The following PTPRD variants were observed in gnomAD, a reference collection of about 807,000 sequenced individuals.
PTPRD encodes receptor-type tyrosine-protein phosphatase delta.
Under a neutral mutation model 214.5 loss-of-function variants are expected in PTPRD, and 34 were observed. The observed-to-expected ratio is 0.16, with a 90% confidence interval of 0.12 to 0.21. The LOEUF (loss-of-function observed/expected upper bound fraction) is 0.21, where lower values mean the gene tolerates loss of function less well. Among genes scored for constraint, PTPRD ranks in the 10% least tolerant of loss-of-function variants. PTPRD has a pLI of 1.00. For missense variants in PTPRD, 2,545 were observed against 2,398.7 expected, an observed-to-expected ratio of 1.06 and a Z score of -1.27; for synonymous variants, 1,128 against 845.7, an observed-to-expected ratio of 1.33 and a Z score of -5.79.
At chr9:9,386,027 C>G (rs1240538593) in intron 9 of PTPRD, among the ~76,000 whole-genome samples, 1 of 152,042 alleles carries the variant, frequency 6.6e-6, no homozygotes, top group African/African-American at 2.4e-5. Flanking sequence ...TGGCCTGCAT[C>G]TTATATGAAA....
intron 5 of PTPRD, among the ~76,000 whole-genome samples, chr9:9,885,201 A>G (rs1296119485): frequency 6.6e-6 from 1 of 152,118 alleles, no homozygotes; most frequent in Non-Finnish European, 1.5e-5. Flanking sequence ...AAAAGAAATT[A>G]AAGAAGTATT....
chr9:8,887,730 C>A (rs2098503512), intron 11 of PTPRD, among the ~76,000 whole-genome samples: 1 of 152,134 alleles, frequency 6.6e-6, no homozygotes, highest in Admixed American at 6.5e-5. Context: ...TTGCAGAACA[C>A]AAAACTACCT....
chr9:9,607,496 G>A (rs952746669), intron 7 of PTPRD, among the ~76,000 whole-genome samples: 1 of 152,108 alleles, frequency 6.6e-6, no homozygotes, highest in African/African-American at 2.4e-5. Flanking sequence ...GGTGAGGTGG[G>A]ATTTGATTAT....
At chr9:9,447,386 C>T (rs1024204745) in intron 8 of PTPRD, among the ~76,000 whole-genome samples, 5 of 152,034 alleles carry the variant, frequency 3.3e-5, no homozygotes, top group African/African-American at 1.2e-4. Flanking sequence ...AGCTGGAGGC[C>T]ATTATCCTTA....
At chr9:9,226,688 A>G (rs556141752) in intron 9 of PTPRD, among the ~76,000 whole-genome samples, 11 of 152,170 alleles carry the variant, frequency 7.2e-5, no homozygotes, top group African/African-American at 2.6e-4. Flanking sequence ...ATCTTAGGAG[A>G]TAAGTACTTT....
intron 11 of PTPRD, among the ~76,000 whole-genome samples, chr9:8,761,673 T>C (rs1377939086): frequency 6.6e-6 from 1 of 152,186 alleles, no homozygotes; most frequent in Non-Finnish European, 1.5e-5. Flanking sequence ...TCTACATGGA[T>C]AATTTTATAG....
At chr9:8,728,327 A>C (rs554680591) in intron 12 of PTPRD, among the ~76,000 whole-genome samples, 21 of 152,342 alleles carry the variant, frequency 1.4e-4, no homozygotes, top group Admixed American at 1.2e-3. Flanking sequence ...TAACACTCAT[A>C]ATCTAAAACA....
intron 10 of PTPRD, among the ~76,000 whole-genome samples, chr9:9,095,899 CA>C (rs2099782810): frequency 6.6e-6 from 1 of 152,120 alleles, no homozygotes; most frequent in Non-Finnish European, 1.5e-5. Context: ...TACATATATA[CA>C]ATGGAATATT....
At chr9:9,333,314 T>G (rs2043034987) in intron 9 of PTPRD, among the ~76,000 whole-genome samples, 1 of 151,296 alleles carries the variant, frequency 6.6e-6, no homozygotes, top group Non-Finnish European at 1.5e-5. Flanking sequence ...GGGGCATATG[T>G]CTGTAAAGTC....
intron 5 of PTPRD, among the ~76,000 whole-genome samples, chr9:9,810,865 C>T (rs2046923805): frequency 6.6e-6 from 1 of 151,410 alleles, no homozygotes; most frequent in Non-Finnish European, 1.5e-5. Context: ...AATCAAACAC[C>T]ATCTGGAAAG....
chr9:10,135,470 C>T (rs2098935836), intron 3 of PTPRD, among the ~76,000 whole-genome samples: 1 of 152,014 alleles, frequency 6.6e-6, no homozygotes, highest in Non-Finnish European at 1.5e-5. Flanking sequence ...ATATTAAAGA[C>T]AGCTAAAAAG....
chr9:8,623,761 GTGCACATT>G (rs2095900089), intron 14 of PTPRD, among the ~76,000 whole-genome samples: 1 of 151,810 alleles, frequency 6.6e-6, no homozygotes, highest in East Asian at 1.9e-4. Flanking sequence ...GTTAGGAAAT[GTGCACATT>G]TGCCGCAAAA....
chr9:10,393,318 T>C (rs2098107632), intron 2 of PTPRD, among the ~76,000 whole-genome samples: 1 of 151,764 alleles, frequency 6.6e-6, no homozygotes, highest in Non-Finnish European at 1.5e-5. Flanking sequence ...TGTGTGTGTG[T>C]ATGTGGTCAG....
chr9:10,501,742 TG>T (rs2043788415), intron 2 of PTPRD, among the ~76,000 whole-genome samples: 1 of 151,946 alleles, frequency 6.6e-6, no homozygotes, highest in Non-Finnish European at 1.5e-5. Flanking sequence ...ATTAATAGAG[TG>T]GGACTTTAAG....
chr9:8,457,183 G>C (rs904440649), intron 33 of PTPRD, among the ~76,000 whole-genome samples: 1 of 152,084 alleles, frequency 6.6e-6, no homozygotes, highest in African/African-American at 2.4e-5. Context: ...AAGAAATGTA[G>C]GCTCAGAGTG....
intron 3 of PTPRD, among the ~76,000 whole-genome samples, chr9:10,324,970 T>G (rs183257939): frequency 2.8e-4 from 42 of 152,148 alleles, no homozygotes; most frequent in African/African-American, 9.9e-4. Flanking sequence ...ATACTTTATT[T>G]AAATGAGGGC....
chr9:9,281,309 G>A (rs1015779071), intron 9 of PTPRD, among the ~76,000 whole-genome samples: 2 of 150,996 alleles, frequency 1.3e-5, no homozygotes, highest in South Asian at 2.1e-4. Context: ...AGAATGAGAA[G>A]ACAAGCCACA....
intron 3 of PTPRD, among the ~76,000 whole-genome samples, chr9:10,146,705 C>T (rs1421358496): frequency 2.6e-5 from 4 of 152,024 alleles, no homozygotes; most frequent in Non-Finnish European, 4.4e-5. Flanking sequence ...AGAAGCCGAC[C>T]GAGCACTGTA....
chr9:8,619,541 C>A (rs1000427022), intron 14 of PTPRD, among the ~76,000 whole-genome samples: 22 of 151,926 alleles, frequency 1.4e-4, no homozygotes, highest in Admixed American at 5.3e-4. Flanking sequence ...AAGAAGTACC[C>A]TCTTAACTAG....
Sources: allele counts gnomAD v4.1 joint callset (sites outside exome capture counted in the v4.1 genomes callset), GRCh38; gene constraint gnomAD v4.1.1; transcripts MANE v1.5; gene names NCBI Gene and HGNC (gene_info 2026-07-23, HGNC 2026-07-21).